Variants in SNX13 observed in about 807,000 individuals in gnomAD.
SNX13 encodes the protein sorting nexin-13.
In SNX13, 45 loss-of-function variants were observed where a neutral mutation model predicts 133.6. That is an observed-to-expected ratio of 0.34 (90% confidence interval 0.27 to 0.43). The LOEUF (loss-of-function observed/expected upper bound fraction) is 0.43. Among genes scored for constraint, SNX13 ranks in the 20% least tolerant of loss-of-function variants. SNX13 has a pLI of 1.00. For synonymous variants in SNX13, 414 were observed against 373.9 expected (o/e 1.11, Z -1.24); for missense variants, 1,032 against 1,145.1 (o/e 0.90, Z 1.43).
At chr7:17,876,965 G>A (rs1794793547) in intron 5 of SNX13, among the ~76,000 whole-genome samples, 1 of 142,184 alleles carries the variant, frequency 7.0e-6, no homozygotes, top group Non-Finnish European at 1.5e-5. Context: ...AAAAAAGTAT[G>A]CCATAATTCA....
chr7:17,817,713 A>C (rs1054360631), intron 18 of SNX13, among the ~76,000 whole-genome samples: 2 of 152,204 alleles, frequency 1.3e-5, no homozygotes, highest in South Asian at 4.1e-4. Flanking sequence ...CAAAAGTATT[A>C]GAAATGGGTC....
At chr7:17,827,497 A>T (rs1788040103) in intron 16 of SNX13, among the ~76,000 whole-genome samples, 2 of 151,966 alleles carry the variant, frequency 1.3e-5, no homozygotes, top group South Asian at 4.1e-4. Context: ...ATTGCATTCT[A>T]AGAAGAAGGC....
At chr7:17,828,745 C>A (rs908689131) in intron 16 of SNX13, among the ~76,000 whole-genome samples, 1 of 151,300 alleles carries the variant, frequency 6.6e-6, no homozygotes, top group South Asian at 2.1e-4. Flanking sequence ...TTTATATTAC[C>A]ATGTGACAAA....
chr7:17,890,439 T>C lies in SNX13; in HGVS notation c.364A>G (p.Thr122Ala). 1.2e-6 allele frequency: 2 copies of C among 1,609,026 alleles called. No homozygotes were observed. The highest frequency in any genetic ancestry group is 1.1e-5 in the South Asian group (1 of 90,696). The change falls in exon 5 of 26, where the codon ACA (threonine) becomes GCA (alanine). Residue 122 changes from threonine (T) to alanine (A), a missense_variant. By Grantham distance (58) the Thr-to-Ala change is moderately conservative (BLOSUM62 0). Transcript: ENST00000428135. ...AGAAAAGATTCATCATCGCTTAGTG[T>C]ATAATACCAATACTGGACATAATCC... ...LRDYVQYWYY[T>A]LSDDESFLLE...
chr7:17,829,202 G>A (rs1235301702), intron 16 of SNX13, among the ~76,000 whole-genome samples: 3 of 151,432 alleles, frequency 2.0e-5, no homozygotes, highest in Non-Finnish European at 4.4e-5. Flanking sequence ...ATTACGAAAG[G>A]TCTAAAAGAA....
chr7:17,893,523 C>G, intron 2 of SNX13, 89 bp from the exon 3 acceptor site: 1 of 803,988 alleles, frequency 1.2e-6, no homozygotes, highest in Non-Finnish European at 2.0e-6. Context: ...CCAGAGTTCA[C>G]AGATGGCTTA....
intron 2 of SNX13, among the ~76,000 whole-genome samples, chr7:17,896,892 G>C (rs1025190121): frequency 2.0e-5 from 3 of 152,036 alleles, no homozygotes; most frequent in African/African-American, 7.2e-5. Flanking sequence ...GAATTTTCTA[G>C]ACCGAAATGA....
intron 15 of SNX13, among the ~76,000 whole-genome samples, chr7:17,832,674 C>T (rs560018660): frequency 1.8e-4 from 27 of 151,220 alleles, no homozygotes; most frequent in African/African-American, 6.5e-4. Context: ...AAAATTTTAC[C>T]ATTCAACTCA....
At chr7:17,794,451 G>T in intron 25 of SNX13, 159 bp from the exon 26 acceptor site, 1 of 801,636 alleles carries the variant, frequency 1.2e-6, no homozygotes, top group Non-Finnish European at 1.9e-6. Flanking sequence ...AACTTAATAT[G>T]CATCTTTGCA....
intron 9 of SNX13, among the ~76,000 whole-genome samples, chr7:17,853,054 T>C (rs947805124): frequency 3.9e-5 from 6 of 152,294 alleles, no homozygotes; most frequent in Non-Finnish European, 8.8e-5. Context: ...AAAGAGTTGG[T>C]CAGAAGAGTG....
chr7:17,855,067 T>C (rs1791715711), intron 9 of SNX13, among the ~76,000 whole-genome samples: 1 of 152,130 alleles, frequency 6.6e-6, no homozygotes, highest in Non-Finnish European at 1.5e-5. Flanking sequence ...ACACTTATGG[T>C]GATATGGAGA....
At chr7:17,828,248 C>T (rs1788121974) in intron 16 of SNX13, among the ~76,000 whole-genome samples, 1 of 151,500 alleles carries the variant, frequency 6.6e-6, no homozygotes, top group Non-Finnish European at 1.5e-5. Context: ...ATAATATTTA[C>T]AAAACTACAT....
At chr7:17,936,107 TC>T (rs1009175244) in intron 1 of SNX13, among the ~76,000 whole-genome samples, 1 of 152,200 alleles carries the variant, frequency 6.6e-6, no homozygotes, top group African/African-American at 2.4e-5. Flanking sequence ...TGTATTCACC[TC>T]CATGGTTAAA....
chr7:17,838,112 T>G (rs1420585766), intron 13 of SNX13, among the ~76,000 whole-genome samples: 1 of 152,046 alleles, frequency 6.6e-6, no homozygotes, highest in Non-Finnish European at 1.5e-5. Flanking sequence ...TAAAAAAATA[T>G]GATTTTACCA....
At position 17,903,412 on chromosome 7, in the gene SNX13, G is replaced by A. The variant is rs148185436; in HGVS notation, c.13-5966C>T. Reference sequence around the variant, plus strand: ...AATGCTGTGGAAATCATACACCTCAGAACAACTTATGAAGCAGTAGAAGGC... The same window carrying A: ...AATGCTGTGGAAATCATACACCTCAAAACAACTTATGAAGCAGTAGAAGGC... On this transcript the variant is annotated intron_variant, in intron 1 of 25. Coordinates refer to ENST00000428135, the MANE Select transcript of SNX13 (RefSeq NM_015132.5). Among the ~76,000 whole-genome samples, 3 of 152,206 alleles carry A rather than the reference G, an allele frequency of 2.0e-5. No individual in the cohort carries two copies. In the East Asian group the frequency reaches 5.8e-4, roughly 29 times the overall value.
intron 5 of SNX13, among the ~76,000 whole-genome samples, chr7:17,886,054 T>C (rs1795950817): frequency 6.6e-6 from 1 of 152,192 alleles, no homozygotes; most frequent in Non-Finnish European, 1.5e-5. Flanking sequence ...ATTTGAGTTT[T>C]GTTTGCCTTT....
At chr7:17,800,417 T>C (rs1439924692) in intron 22 of SNX13, among the ~76,000 whole-genome samples, 1 of 151,614 alleles carries the variant, frequency 6.6e-6, no homozygotes, top group Non-Finnish European at 1.5e-5. Flanking sequence ...GGAGAAACAG[T>C]ACAGTGGGGA....
At chr7:17,933,443 T>C (rs1292869637) in intron 1 of SNX13, among the ~76,000 whole-genome samples, 1 of 151,450 alleles carries the variant, frequency 6.6e-6, no homozygotes, top group African/African-American at 2.4e-5. Context: ...GTCAGGAGGC[T>C]GAGGCAAAAG....
At chr7:17,843,697 A>C (rs1269699478) in intron 12 of SNX13, among the ~76,000 whole-genome samples, 1 of 152,076 alleles carries the variant, frequency 6.6e-6, no homozygotes, top group African/African-American at 2.4e-5. Flanking sequence ...AGTTTTTAAA[A>C]ATGGGTATCA....
Sources: gnomAD v4.1 joint callset for allele counts (sites outside exome capture counted in the v4.1 genomes callset) on GRCh38, gnomAD v4.1.1 for gene constraint, MANE v1.5 for transcripts, NCBI Gene and HGNC (gene_info 2026-07-23, HGNC 2026-07-21) for gene names.